The following WNK1 variants were observed in gnomAD, a reference collection of about 807,000 sequenced individuals.
WNK1 encodes the protein serine/threonine-protein kinase WNK1.
In WNK1, 38 loss-of-function variants were observed where a neutral mutation model predicts 222.8. The ratio of observed to expected loss-of-function variants is 0.17; its 90% CI spans 0.13 to 0.22. The LOEUF (loss-of-function observed/expected upper bound fraction) is 0.22. Ranked by LOEUF, WNK1 falls within the 10% of genes least tolerant of loss-of-function variation. The pLI is 1.00. For missense variants in WNK1, 2,348 were observed against 2,918.4 expected (o/e 0.80, Z 4.50); for synonymous variants, 1,090 against 1,092.9 (o/e 1.00, Z 0.05).
intron 26 of WNK1, chr12:901,080 A>C (rs1321441283): frequency 1.3e-5 from 4 of 309,946 alleles, no homozygotes; most frequent in Non-Finnish European, 2.5e-5. Context: ...TAAAATGAAT[A>C]ACCTTACAAT....
intron 4 of WNK1, among the ~76,000 whole-genome samples, chr12:838,820 A>C (rs1320901173): frequency 6.6e-6 from 1 of 152,156 alleles, no homozygotes; most frequent in Non-Finnish European, 1.5e-5. Context: ...TTTTCCAAAA[A>C]AATTCATATT....
chr12:771,023 C>T (rs1591623992), intron 1 of WNK1, among the ~76,000 whole-genome samples: 1 of 152,088 alleles, frequency 6.6e-6, no homozygotes, highest in Middle Eastern at 3.4e-3. Flanking sequence ...GAGACGGAGT[C>T]TTCGCTTTGT....
At chr12:777,828 A>G (rs1423468202) in intron 1 of WNK1, among the ~76,000 whole-genome samples, 1 of 152,198 alleles carries the variant, frequency 6.6e-6, no homozygotes, top group East Asian at 1.9e-4. Context: ...ACAGTGTTTG[A>G]CTTCCAACAG....
intron 4 of WNK1, among the ~76,000 whole-genome samples, chr12:848,364 G>T (rs142431295): frequency 2.6e-5 from 4 of 152,252 alleles, no homozygotes; most frequent in African/African-American, 9.6e-5. Flanking sequence ...GAGATGAAGA[G>T]AATGGAAATA....
rs367706591 is a variant in WNK1 at position 868,216 on chromosome 12, C to G, written c.2140-3049C>G. On this transcript the variant is annotated intron_variant, in intron 8 of 27. Transcript: ENST00000315939. ...TTGAACCATCTCAAGTTTACAGTGA[C>G]TATAGACCTGGACTAGTACTTCCAG... 2 of 1,611,656 alleles carry G rather than the reference C, an allele frequency of 1.2e-6. No individual in the cohort carries two copies. The highest frequency in any genetic ancestry group is 2.7e-5 in the African/African-American group (2 of 74,892).
At chr12:831,666 A>AAT (rs1948803997) in intron 4 of WNK1, among the ~76,000 whole-genome samples, 1 of 152,126 alleles carries the variant, frequency 6.6e-6, no homozygotes, top group Non-Finnish European at 1.5e-5. Flanking sequence ...TTTAATTTTA[A>AAT]ATATATATTT....
chr12:885,653 C>G lies in WNK1; in HGVS notation c.4849C>G (p.Leu1617Val), dbSNP rs2154084508. The G allele has an allele frequency of 6.2e-7, 1 of 1,614,204 alleles. No individual in the cohort carries two copies. The highest frequency in any genetic ancestry group is 2.2e-5 in the East Asian group (1 of 44,890). The change falls in exon 19 of 28, where the codon CTA becomes GTA. Residue 1617 changes from leucine (L) to valine (V), a missense_variant. Leu to Val is a conservative substitution (Grantham distance 32). Coordinates refer to ENST00000315939, the MANE Select transcript of WNK1 (RefSeq NM_018979.4). Reference protein sequence around the residue: ...VANVPAVQQTLIHSQPQPALL... With the variant: ...VANVPAVQQTVIHSQPQPALL... ...CAATGTGCCTGCTGTACAGCAGACA[C>G]TAATTCATAGTCAGCCTCAACCAGC...
chr12:779,767 T>A (rs1052841820), intron 1 of WNK1, among the ~76,000 whole-genome samples: 11 of 152,218 alleles, frequency 7.2e-5, no homozygotes, highest in Admixed American at 3.9e-4. Context: ...GACTGTGAAA[T>A]TAAAATAATG....
intron 8 of WNK1, among the ~76,000 whole-genome samples, chr12:866,384 G>A (rs1191176995): frequency 6.6e-6 from 1 of 152,194 alleles, no homozygotes; most frequent in Non-Finnish European, 1.5e-5. Context: ...ATGTTTTGGA[G>A]ATGGAATCTC....
At chr12:817,215 T>C (rs1717714165) in intron 2 of WNK1, among the ~76,000 whole-genome samples, 1 of 152,200 alleles carries the variant, frequency 6.6e-6, no homozygotes, top group Non-Finnish European at 1.5e-5. Context: ...GGTTTCCCTG[T>C]AGTCCTAGCT....
intron 14 of WNK1, 77 bp from the exon 15 acceptor site, chr12:882,866 A>T (rs761993017): frequency 3.6e-5 from 33 of 906,074 alleles, no homozygotes; most frequent in Non-Finnish European, 6.1e-5. Flanking sequence ...TCAAGTGCTA[A>T]TCTGCATTGC....
At chr12:817,770 G>C (rs1212370922) in intron 2 of WNK1, among the ~76,000 whole-genome samples, 1 of 152,000 alleles carries the variant, frequency 6.6e-6, no homozygotes, top group Non-Finnish European at 1.5e-5. Flanking sequence ...TGTCCAACAT[G>C]GTGAAACCCC....
intron 8 of WNK1, chr12:868,938 G>C: frequency 1.3e-6 from 2 of 1,590,874 alleles, no homozygotes; most frequent in Non-Finnish European, 1.7e-6. Flanking sequence ...CCCCCTACAG[G>C]GGGAGCAGCT....
intron 1 of WNK1, among the ~76,000 whole-genome samples, chr12:787,477 G>A (rs1294976532): frequency 6.6e-6 from 1 of 152,204 alleles, no homozygotes; most frequent in Non-Finnish European, 1.5e-5. Flanking sequence ...TAAAGCACCA[G>A]AACAGGGTCT....
chr12:872,125 T>A (rs1952207488), intron 9 of WNK1, among the ~76,000 whole-genome samples: 1 of 151,936 alleles, frequency 6.6e-6, no homozygotes, highest in Non-Finnish European at 1.5e-5. Flanking sequence ...ATTTATTTAT[T>A]TATTTATTTT....
At position 754,137 on chromosome 12, in the gene WNK1, A is replaced by T. The variant is rs1299893238; in HGVS notation, c.572A>T (p.Lys191Met). Residue 191 changes from lysine to methionine, a missense_variant, in exon 1 of 28, where the codon AAG becomes ATG. Transcript: ENST00000315939. Reference protein sequence around the residue: ...ARSGSGGGSAKEPQEERSQQQ... With the variant: ...ARSGSGGGSAMEPQEERSQQQ... ...AGTGGCAGCGGCGGCGGCAGCGCCA[A>T]GGAGCCACAGGAGGAACGGAGCCAG... The T allele has an allele frequency of 6.2e-7, 1 of 1,612,482 alleles. No individual in the cohort carries two copies. Among genetic ancestry groups the T allele is most frequent in the East Asian group, 2.2e-5 (1 of 44,876 alleles).
chr12:807,533 C>G (rs1344221922), intron 1 of WNK1, among the ~76,000 whole-genome samples: 1 of 151,968 alleles, frequency 6.6e-6, no homozygotes, highest in Non-Finnish European at 1.5e-5. Context: ...GGATGACCCA[C>G]TAAGTTTCAG....
chr12:819,892 G>A (rs1478880281), intron 2 of WNK1, among the ~76,000 whole-genome samples: 2 of 151,974 alleles, frequency 1.3e-5, no homozygotes, highest in Non-Finnish European at 2.9e-5. Context: ...GTTTATTTCT[G>A]GACTCTCAAT....
At chr12:822,609 A>G (rs752963012) in intron 2 of WNK1, among the ~76,000 whole-genome samples, 36 of 152,166 alleles carry the variant, frequency 2.4e-4, no homozygotes, top group Non-Finnish European at 4.9e-4. Context: ...CTGAATTGAT[A>G]CCAACTTAGC....
Sources: allele counts gnomAD v4.1 joint callset (sites outside exome capture counted in the v4.1 genomes callset), GRCh38; gene constraint gnomAD v4.1.1; transcripts MANE v1.5; gene names NCBI Gene and HGNC (gene_info 2026-07-23, HGNC 2026-07-21).